Variants in KCTD8 observed in about 807,000 individuals in gnomAD.
The protein encoded by KCTD8 is potassium channel tetramerization domain containing 8, also known as BTB/POZ domain-containing protein KCTD8.
In KCTD8, 27 loss-of-function variants were observed where a neutral mutation model predicts 31.5. The ratio of observed to expected loss-of-function variants is 0.86; its 90% CI spans 0.63 to 1.18. KCTD8 has a LOEUF of 1.18. KCTD8 is among the 50% of genes most tolerant of loss of function. The probability of loss-of-function intolerance (pLI) is 0.00; values close to 1 mark genes in which losing one functional copy is unlikely to be tolerated. For synonymous variants in KCTD8, 290 were observed against 280.0 expected (o/e 1.04, Z -0.36); for missense variants, 658 against 647.7 (o/e 1.02, Z -0.17).
At chr4:44,286,003 C>G (rs1391678650) in intron 1 of KCTD8, among the ~76,000 whole-genome samples, 1 of 152,036 alleles carries the variant, frequency 6.6e-6, no homozygotes, top group Non-Finnish European at 1.5e-5. Flanking sequence ...AAAAGATTAA[C>G]AGGAGTTTGG....
chr4:44,294,737 A>G (rs1717380285), intron 1 of KCTD8, among the ~76,000 whole-genome samples: 1 of 152,198 alleles, frequency 6.6e-6, no homozygotes, highest in South Asian at 2.1e-4. Context: ...TTTCAAAGTC[A>G]CATTTTCAAC....
At chr4:44,277,701 G>A (rs1716792002) in intron 1 of KCTD8, among the ~76,000 whole-genome samples, 1 of 151,728 alleles carries the variant, frequency 6.6e-6, no homozygotes, top group African/African-American at 2.4e-5. Context: ...TTACATAAAT[G>A]TTTCCTAAAC....
intron 1 of KCTD8, among the ~76,000 whole-genome samples, chr4:44,244,844 T>G (rs1184070665): frequency 1.3e-5 from 1 of 79,052 alleles, no homozygotes; most frequent in Non-Finnish European, 2.7e-5. Flanking sequence ...TTCCCTGTAG[T>G]TGTGGGGGGG....
chr4:44,426,056 C>T (rs2109473884), intron 1 of KCTD8, among the ~76,000 whole-genome samples: 1 of 150,604 alleles, frequency 6.6e-6, no homozygotes, highest in Admixed American at 6.7e-5. Flanking sequence ...TAAAAGACTA[C>T]TAGATAATGT....
intron 1 of KCTD8, among the ~76,000 whole-genome samples, chr4:44,181,759 G>A (rs1287578982): frequency 6.6e-6 from 1 of 150,420 alleles, no homozygotes; most frequent in East Asian, 2.0e-4. Flanking sequence ...TCTGGGAAGT[G>A]AGGAGAGCCT....
chr4:44,307,500 T>C (rs1303938901), intron 1 of KCTD8, among the ~76,000 whole-genome samples: 1 of 151,926 alleles, frequency 6.6e-6, no homozygotes, highest in Non-Finnish European at 1.5e-5. Context: ...TAGATCCACA[T>C]GTTTTCAGTA....
chr4:44,194,811 C>CCTTCCTTCCTT (rs1713887466), intron 1 of KCTD8, among the ~76,000 whole-genome samples: 1 of 98,962 alleles, frequency 1.0e-5, no homozygotes, highest in African/African-American at 4.7e-5. Flanking sequence ...CTCCCTCCCT[C>CCTTCCTTCCTT]CCTCCCTTCC....
intron 1 of KCTD8, among the ~76,000 whole-genome samples, chr4:44,247,461 CGT>C (rs1006334401): frequency 2.6e-5 from 4 of 151,094 alleles, no homozygotes; most frequent in Non-Finnish European, 5.9e-5. Flanking sequence ...TGTGTGTGTG[CGT>C]GTGTGTGTGG....
intron 1 of KCTD8, among the ~76,000 whole-genome samples, chr4:44,277,581 GA>G (rs1390809992): frequency 6.6e-6 from 1 of 151,602 alleles, no homozygotes; most frequent in Admixed American, 6.6e-5. Flanking sequence ...AACAATCAAA[GA>G]ACAATTATAT....
intron 1 of KCTD8, among the ~76,000 whole-genome samples, chr4:44,359,627 T>G (rs1719444990): frequency 1.3e-5 from 2 of 152,248 alleles, no homozygotes; most frequent in South Asian, 4.1e-4. Context: ...ATTTATTTCT[T>G]AATTATTTAA....
chr4:44,377,592 C>G (rs1181307673), intron 1 of KCTD8, among the ~76,000 whole-genome samples: 1 of 152,146 alleles, frequency 6.6e-6, no homozygotes, highest in African/African-American at 2.4e-5. Context: ...TAAAGAAGGG[C>G]CAGAGTGGGT....
chr4:44,175,271 A>G, intron 1 of KCTD8, 21 bp from the exon 2 acceptor site: 1 of 1,394,454 alleles, frequency 7.2e-7, no homozygotes, highest in Non-Finnish European at 9.7e-7. Context: ...GGAAAAAAAA[A>G]GAAGAAGAGT....
At chr4:44,293,862 T>A (rs1323901554) in intron 1 of KCTD8, 1 of 447,056 alleles carries the variant, frequency 2.2e-6, no homozygotes, top group South Asian at 1.6e-5. Flanking sequence ...AAAGGATGAT[T>A]TATCAGAAAT....
intron 1 of KCTD8, among the ~76,000 whole-genome samples, chr4:44,339,539 AAAAC>A (rs1246318809): frequency 2.6e-5 from 4 of 152,196 alleles, no homozygotes; most frequent in Non-Finnish European, 4.4e-5. Context: ...GAAGCTTCAA[AAAAC>A]AAACAAAATG....
intron 1 of KCTD8, among the ~76,000 whole-genome samples, chr4:44,385,014 G>A (rs1402887080): frequency 6.6e-6 from 1 of 151,098 alleles, no homozygotes; most frequent in East Asian, 1.9e-4. Context: ...ATAGGAATAA[G>A]CTTAACCAAG....
chr4:44,343,373 C>T (rs1025404765), intron 1 of KCTD8, among the ~76,000 whole-genome samples: 1 of 152,138 alleles, frequency 6.6e-6, no homozygotes, highest in Non-Finnish European at 1.5e-5. Context: ...ATTAAGCTCA[C>T]TGTCTTCTAT....
chr4:44,261,620 C>A (rs1374610408), intron 1 of KCTD8, among the ~76,000 whole-genome samples: 2 of 152,044 alleles, frequency 1.3e-5, no homozygotes, highest in East Asian at 3.9e-4. Context: ...CTGGCAAACA[C>A]TGTTCTACTC....
intron 1 of KCTD8, among the ~76,000 whole-genome samples, chr4:44,337,311 T>TA (rs1249934123): frequency 2.0e-5 from 3 of 152,124 alleles, no homozygotes; most frequent in Non-Finnish European, 4.4e-5. Context: ...TTATTTCAAT[T>TA]AAAAAATTAC....
At chr4:44,340,959 T>G (rs1259428050) in intron 1 of KCTD8, among the ~76,000 whole-genome samples, 1 of 151,808 alleles carries the variant, frequency 6.6e-6, no homozygotes, top group East Asian at 1.9e-4. Flanking sequence ...TATAAAATGT[T>G]TATAAATTTT....
Sources: allele counts gnomAD v4.1 joint callset (sites outside exome capture counted in the v4.1 genomes callset), GRCh38; gene constraint gnomAD v4.1.1; transcripts MANE v1.5; gene names NCBI Gene and HGNC (gene_info 2026-07-23, HGNC 2026-07-21).